SDK1: variants seen among roughly 807,000 people sequenced by gnomAD.
SDK1 encodes sidekick cell adhesion molecule 1.
A neutral mutation model predicts 245.5 loss-of-function variants in SDK1; 157 were observed. The observed-to-expected ratio is 0.64, with a 90% CI of 0.56 to 0.73. SDK1 has a LOEUF of 0.73. Ranked by LOEUF, SDK1 falls within the 30% of genes least tolerant of loss-of-function variation. The probability of loss-of-function intolerance (pLI) is 0.00; values close to 1 mark genes in which losing one functional copy is unlikely to be tolerated. For synonymous variants in SDK1, 1,647 were observed against 1,278.5 expected (o/e 1.29, Z -6.15); for missense variants, 3,583 against 3,002.3 (o/e 1.19, Z -4.52).
At chr7:3,956,456 G>T (rs550887607) in intron 7 of SDK1, among the ~76,000 whole-genome samples, 28 of 152,324 alleles carry the variant, frequency 1.8e-4, no homozygotes, top group African/African-American at 6.7e-4. Context: ...CTCACACGGT[G>T]GGGAAGTACT....
intron 4 of SDK1, among the ~76,000 whole-genome samples, chr7:3,642,535 G>A (rs990947213): frequency 6.6e-6 from 1 of 151,978 alleles, no homozygotes; most frequent in African/African-American, 2.4e-5. Flanking sequence ...TTTCTCTGAC[G>A]ATAAAACAGT....
At chr7:3,668,424 A>G (rs1783601571) in intron 4 of SDK1, among the ~76,000 whole-genome samples, 1 of 152,142 alleles carries the variant, frequency 6.6e-6, no homozygotes. Flanking sequence ...ACTTCCTTCA[A>G]AGATTATATG....
intron 2 of SDK1, among the ~76,000 whole-genome samples, chr7:3,633,349 A>G (rs1782356461): frequency 6.6e-6 from 1 of 152,180 alleles, no homozygotes; most frequent in Non-Finnish European, 1.5e-5. Context: ...GGGGAAGTAT[A>G]AATGTTCTCC....
chr7:3,619,967 A>G (rs1054222958), intron 2 of SDK1, among the ~76,000 whole-genome samples: 2 of 152,206 alleles, frequency 1.3e-5, no homozygotes, highest in African/African-American at 4.8e-5. Flanking sequence ...TTTGAGGATG[A>G]TAATATTACA....
intron 5 of SDK1, among the ~76,000 whole-genome samples, chr7:3,874,833 C>G (rs890411451): frequency 6.6e-6 from 1 of 152,126 alleles, no homozygotes; most frequent in Non-Finnish European, 1.5e-5. Context: ...TAGATTAAAG[C>G]TTTTGTTCTT....
intron 1 of SDK1, among the ~76,000 whole-genome samples, chr7:3,466,979 T>TCTACACAC (rs1554275624): frequency 1.6e-5 from 2 of 127,542 alleles, no homozygotes; most frequent in African/African-American, 3.1e-5. Flanking sequence ...TCTCTCTCTC[T>TCTACACAC]ACACACACAC....
intron 1 of SDK1, among the ~76,000 whole-genome samples, chr7:3,354,157 C>T (rs1369298394): frequency 1.3e-5 from 2 of 151,940 alleles, no homozygotes; most frequent in African/African-American, 4.8e-5. Flanking sequence ...CGCCACCACA[C>T]CCGGCTAATT....
chr7:4,130,829 G>T (rs970911430), intron 27 of SDK1, among the ~76,000 whole-genome samples: 1 of 152,096 alleles, frequency 6.6e-6, no homozygotes, highest in Admixed American at 6.6e-5. Flanking sequence ...GATCTCTCCC[G>T]CCACAACACC....
At chr7:4,025,030 A>G (rs1583863278) in intron 17 of SDK1, among the ~76,000 whole-genome samples, 1 of 151,626 alleles carries the variant, frequency 6.6e-6, no homozygotes, top group African/African-American at 2.4e-5. Flanking sequence ...ACACACACAC[A>G]CACACACACA....
Position 4,129,942 on chromosome 7 carries a change from C to G in SDK1, c.3974C>G (p.Pro1325Arg). The G allele has an allele frequency of 6.2e-7, 1 of 1,613,780 alleles. No individual in the cohort carries two copies. Among genetic ancestry groups the G allele is most frequent in the Non-Finnish European group, 8.5e-7 (1 of 1,179,934 alleles). ...LFRAKDLDPE[P>R]RSHIVRGNHT... ...CGGGCCAAAGACCTGGATCCCGAGC[C>G]CAGGAGCCACATCGTGCGAGGGAAC... The change falls in exon 27 of 45, where the codon CCC becomes CGC. Residue 1325 changes from proline to arginine, a missense_variant. Pro to Arg is a moderately radical substitution (Grantham distance 103). Transcript: ENST00000404826.
At chr7:3,536,966 TTTTC>T (rs1397135015) in intron 1 of SDK1, among the ~76,000 whole-genome samples, 5 of 152,172 alleles carry the variant, frequency 3.3e-5, no homozygotes, top group African/African-American at 1.2e-4. Context: ...AAAAATATTT[TTTTC>T]TTCAATCTCT....
At chr7:3,585,985 C>T (rs911601977) in intron 1 of SDK1, among the ~76,000 whole-genome samples, 1 of 152,146 alleles carries the variant, frequency 6.6e-6, no homozygotes, top group African/African-American at 2.4e-5. Context: ...AATCAGCTTT[C>T]GGATATGCAA....
At chr7:3,647,870 C>A (rs960397226) in intron 4 of SDK1, among the ~76,000 whole-genome samples, 53 of 151,870 alleles carry the variant, frequency 3.5e-4, no homozygotes, top group African/African-American at 1.2e-3. Context: ...ACATCTTCAG[C>A]AGAAGGGGAA....
chr7:3,391,887 C>T (rs887792498), intron 1 of SDK1, among the ~76,000 whole-genome samples: 5 of 151,280 alleles, frequency 3.3e-5, no homozygotes, highest in African/African-American at 1.2e-4. Flanking sequence ...CGTTGCCCTC[C>T]CAAAGTGATG....
intron 4 of SDK1, among the ~76,000 whole-genome samples, chr7:3,812,134 C>T (rs1779400045): frequency 6.6e-6 from 1 of 152,254 alleles, no homozygotes; most frequent in Non-Finnish European, 1.5e-5. Context: ...TTAACACACA[C>T]AGTAGGCACT....
At chr7:3,658,385 C>G (rs1416436418) in intron 4 of SDK1, among the ~76,000 whole-genome samples, 3 of 152,118 alleles carry the variant, frequency 2.0e-5, no homozygotes, top group East Asian at 3.9e-4. Context: ...GTGCTAGGCT[C>G]TGCGGATAAA....
intron 1 of SDK1, among the ~76,000 whole-genome samples, chr7:3,354,765 C>T (rs952213604): frequency 9.2e-5 from 14 of 152,142 alleles, no homozygotes; most frequent in East Asian, 1.9e-4. Context: ...TACATCCTGA[C>T]GGATAAGGGC....
chr7:4,204,473 C>T (rs1784078776), intron 35 of SDK1, among the ~76,000 whole-genome samples: 1 of 150,664 alleles, frequency 6.6e-6, no homozygotes, highest in African/African-American at 2.5e-5. Flanking sequence ...TGGTGTCAGG[C>T]TGAGTGGGTG....
chr7:4,261,347 G>A (rs893552803), intron 44 of SDK1, among the ~76,000 whole-genome samples: 1 of 152,128 alleles, frequency 6.6e-6, no homozygotes, highest in East Asian at 1.9e-4. Flanking sequence ...TCTCAGTGTG[G>A]ACCTCCTGCA....
Sources: allele counts gnomAD v4.1 joint callset (sites outside exome capture counted in the v4.1 genomes callset), GRCh38; gene constraint gnomAD v4.1.1; transcripts MANE v1.5; gene names NCBI Gene and HGNC (gene_info 2026-07-23, HGNC 2026-07-21).